Variants in SERGEF observed in about 807,000 individuals in gnomAD.
The protein encoded by SERGEF is secretion-regulating guanine nucleotide exchange factor.
A neutral mutation model predicts 50.0 loss-of-function variants in SERGEF; 51 were observed. That is an observed-to-expected ratio of 1.02 (90% CI 0.81 to 1.29). The LOEUF (loss-of-function observed/expected upper bound fraction) is 1.29, where lower values mean the gene tolerates loss of function less well. Among genes scored for constraint, SERGEF ranks in the 50% most tolerant of loss-of-function variants. The probability of loss-of-function intolerance (pLI) is 0.00; values close to 1 mark genes in which losing one functional copy is unlikely to be tolerated. For missense variants in SERGEF, 521 were observed against 557.0 expected (o/e 0.94, Z 0.65); for synonymous variants, 205 against 212.4 (o/e 0.97, Z 0.30).
intron 10 of SERGEF, among the ~76,000 whole-genome samples, chr11:17,795,980 T>C (rs1414148702): frequency 1.3e-5 from 2 of 152,204 alleles, no homozygotes; most frequent in Admixed American, 1.3e-4. Flanking sequence ...CTAGGATCCT[T>C]ACATATTAAA....
chr11:17,962,934 C>G (rs1255884609), intron 8 of SERGEF, among the ~76,000 whole-genome samples: 1 of 152,082 alleles, frequency 6.6e-6, no homozygotes, highest in African/African-American at 2.4e-5. Context: ...GTAATCCCAG[C>G]ACTTTGGGAG....
intron 8 of SERGEF, among the ~76,000 whole-genome samples, chr11:17,967,890 G>A (rs1037468446): frequency 1.6e-4 from 25 of 152,330 alleles, no homozygotes; most frequent in Middle Eastern, 3.4e-3. Context: ...TGGTCAGCCT[G>A]TCTGTCCCAC....
intron 8 of SERGEF, among the ~76,000 whole-genome samples, chr11:17,967,485 G>C (rs997662542): frequency 6.6e-6 from 1 of 152,198 alleles, no homozygotes; most frequent in Non-Finnish European, 1.5e-5. Flanking sequence ...AAACATAGAA[G>C]TATTCCACAC....
rs192544281 is a variant in SERGEF at position 17,899,537 on chromosome 11, A to T, written c.1012-21293T>A. 3.7e-3 allele frequency among the ~76,000 whole-genome samples: 565 copies of T among 152,324 alleles called. 2 individuals carry two copies. The highest frequency in any genetic ancestry group is 0.013 in the African/African-American group (541 of 41,562). ...GTACCTATTAATATATCACCATACC[A>T]TACCTCTTCTGTGAAATACAGCATC... is the stretch of plus-strand genomic sequence containing the variant. On this transcript the variant is annotated intron_variant, in intron 9 of 10. Coordinates refer to ENST00000265965, the MANE Select transcript of SERGEF (RefSeq NM_012139.4).
At position 18,006,658 on chromosome 11, in the gene SERGEF, G is replaced by C; in HGVS notation, c.285C>G (p.Cys95Trp). 6.2e-7 allele frequency: 1 copy of C among 1,614,176 alleles called. No homozygotes were observed. The highest frequency in any genetic ancestry group is 1.3e-5 in the African/African-American group (1 of 75,054). ...HTEDIPYFTPCKSLFGCPIQQ... is the reference protein window; with the variant it reads ...HTEDIPYFTPWKSLFGCPIQQ... The stretch of plus-strand genomic sequence containing the variant: ...GGATGGGACAGCCAAAGAGGGATTT[G>C]CAGGGGGTAAAATATGGGATATCCT... Residue 95 changes from cysteine (C) to tryptophan (W), a missense_variant, in exon 3 of 11, where the codon TGC (cysteine) becomes TGG (tryptophan). Coordinates refer to ENST00000265965, the MANE Select transcript of SERGEF (RefSeq NM_012139.4).
chr11:17,809,320 G>A (rs746704790), intron 10 of SERGEF, among the ~76,000 whole-genome samples: 19 of 152,146 alleles, frequency 1.2e-4, no homozygotes, highest in Non-Finnish European at 2.1e-4. Context: ...TAAGTACGGG[G>A]CATATGGCAG....
intron 10 of SERGEF, among the ~76,000 whole-genome samples, chr11:17,820,163 T>C (rs552224717): frequency 1.3e-5 from 2 of 152,202 alleles, no homozygotes; most frequent in East Asian, 3.9e-4. Flanking sequence ...CTTTAAGTGC[T>C]ATTTCCCTCA....
chr11:17,950,993 T>C (rs1475355510), intron 9 of SERGEF, among the ~76,000 whole-genome samples: 1 of 152,160 alleles, frequency 6.6e-6, no homozygotes, highest in East Asian at 1.9e-4. Context: ...TTGCTGTCAA[T>C]GCTGATGGCT....
At chr11:17,789,162 C>T (rs1849437405) in intron 10 of SERGEF, among the ~76,000 whole-genome samples, 1 of 152,200 alleles carries the variant, frequency 6.6e-6, no homozygotes. Context: ...TTCATGTTTT[C>T]CATTCCAGTT....
chr11:17,856,984 G>A (rs184942053), intron 10 of SERGEF, among the ~76,000 whole-genome samples: 1 of 152,236 alleles, frequency 6.6e-6, no homozygotes. Context: ...CTACAATTTG[G>A]CATAGCACTG....
chr11:17,826,052 T>A (rs920358536), intron 10 of SERGEF, among the ~76,000 whole-genome samples: 1 of 152,172 alleles, frequency 6.6e-6, no homozygotes, highest in African/African-American at 2.4e-5. Context: ...ATCATGGGAA[T>A]TAACTACCAA....
chr11:17,976,546 C>T (rs747911475), intron 8 of SERGEF, among the ~76,000 whole-genome samples: 24 of 151,320 alleles, frequency 1.6e-4, no homozygotes, highest in East Asian at 3.9e-4. Flanking sequence ...GTGATCCACC[C>T]GCCTTGGCCT....
intron 10 of SERGEF, among the ~76,000 whole-genome samples, chr11:17,844,548 T>G (rs946795927): frequency 3.3e-5 from 5 of 152,192 alleles, no homozygotes; most frequent in African/African-American, 4.8e-5. Context: ...TCCCAGACTG[T>G]GATGGACATA....
intron 1 of SERGEF, among the ~76,000 whole-genome samples, chr11:18,009,005 G>A (rs897153168): frequency 6.6e-6 from 1 of 151,904 alleles, no homozygotes; most frequent in Admixed American, 6.6e-5. Flanking sequence ...GAGTAACCAC[G>A]GGAACAGCTC....
chr11:18,005,732 G>A (rs2134012829), intron 3 of SERGEF, among the ~76,000 whole-genome samples: 1 of 152,208 alleles, frequency 6.6e-6, no homozygotes, highest in East Asian at 1.9e-4. Flanking sequence ...AGCTGACAAG[G>A]TAACTACTGC....
intron 3 of SERGEF, among the ~76,000 whole-genome samples, chr11:18,004,921 G>A (rs1314301651): frequency 1.3e-5 from 2 of 152,222 alleles, no homozygotes; most frequent in East Asian, 3.8e-4. Flanking sequence ...CAGCGGTCAT[G>A]TAACCAACTG....
intron 9 of SERGEF, among the ~76,000 whole-genome samples, chr11:17,922,641 A>G (rs1852180259): frequency 6.6e-6 from 1 of 152,156 alleles, no homozygotes; most frequent in South Asian, 2.1e-4. Context: ...TAGTCCCCTG[A>G]GAACAAGCAG....
intron 9 of SERGEF, among the ~76,000 whole-genome samples, chr11:17,883,494 A>G (rs1164466246): frequency 6.6e-6 from 1 of 152,206 alleles, no homozygotes; most frequent in Non-Finnish European, 1.5e-5. Flanking sequence ...AGACTTACAC[A>G]AAACCTAAGA....
intron 9 of SERGEF, among the ~76,000 whole-genome samples, chr11:17,879,237 T>C (rs563610829): frequency 6.6e-6 from 1 of 152,352 alleles, no homozygotes. Context: ...TCAGTCTCCA[T>C]ATGTCCCAAC....
Sources: allele counts gnomAD v4.1 joint callset (sites outside exome capture counted in the v4.1 genomes callset), GRCh38; gene constraint gnomAD v4.1.1; transcripts MANE v1.5; gene names NCBI Gene and HGNC (gene_info 2026-07-23, HGNC 2026-07-21).